CACNG2: variants seen among roughly 807,000 people sequenced by gnomAD.
CACNG2 encodes voltage-dependent calcium channel gamma-2 subunit.
CACNG2 carries 3 observed loss-of-function variants against 25.9 expected under a neutral mutation model. That is an observed-to-expected ratio of 0.12 (90% CI 0.05 to 0.30). The LOEUF is 0.30. Ranked by LOEUF, CACNG2 falls within the 10% of genes least tolerant of loss-of-function variation. The pLI is 1.00. For synonymous variants in CACNG2, 167 were observed against 173.3 expected, an observed-to-expected ratio of 0.96 and a Z score of 0.29; for missense variants, 341 against 432.5, an observed-to-expected ratio of 0.79 and a Z score of 1.88.
At chr22:36,607,241 C>T (rs1935852573) in intron 1 of CACNG2, among the ~76,000 whole-genome samples, 1 of 152,104 alleles carries the variant, frequency 6.6e-6, no homozygotes, top group South Asian at 2.1e-4. Context: ...TTTCCCCAAA[C>T]CTGTCTTGGC....
chr22:36,643,169 C>T (rs1250463523), intron 1 of CACNG2, among the ~76,000 whole-genome samples: 1 of 146,984 alleles, frequency 6.8e-6, no homozygotes, highest in Middle Eastern at 3.5e-3. Context: ...TTCCTTCCTT[C>T]TTTCCTTCTT....
intron 1 of CACNG2, among the ~76,000 whole-genome samples, chr22:36,632,071 G>T (rs1215506321): frequency 1.3e-5 from 2 of 152,116 alleles, no homozygotes; most frequent in Non-Finnish European, 2.9e-5. Flanking sequence ...GTACAGGGGT[G>T]GACTATGATG....
intron 1 of CACNG2, among the ~76,000 whole-genome samples, chr22:36,629,039 A>G (rs778561862): frequency 4.6e-5 from 7 of 152,126 alleles, no homozygotes; most frequent in Non-Finnish European, 1.0e-4. Context: ...CAGAAATACA[A>G]TGTTGAGGGA....
rs1935077218 is a variant in CACNG2 at position 36,564,059 on chromosome 22, T to TA, written c.*291_*292insT. On this transcript the variant is annotated 3_prime_UTR_variant, in exon 4 of 4. Transcript: ENST00000300105. This position sits in a 1 kb window ranked among gnomAD's most constrained non-coding sequence, Gnocchi z 6.7. The stretch of plus-strand genomic sequence containing the variant: ...TTTTCTATTTTTAATTTTTTATCCC[T>TA]CTCGCTTTTTTTTAAAGTTTGTTTT... The TA allele has an allele frequency of 6.8e-6, 2 of 295,524 alleles. No homozygotes were observed. The highest frequency in any genetic ancestry group is 4.3e-5 in the African/African-American group (2 of 46,232). The allele number at this position is 295,524 out of a possible 1,614,324, so 18.3% of individuals were successfully genotyped here. A position where few individuals can be genotyped will look rare whatever the true frequency, so the allele number is the denominator to read the frequency against.
chr22:36,580,063 C>T (rs548120119), intron 2 of CACNG2, among the ~76,000 whole-genome samples: 62 of 152,316 alleles, frequency 4.1e-4, no homozygotes, highest in South Asian at 8.3e-4. Context: ...TCACTGGGTT[C>T]GGGGCAGGTG....
intron 1 of CACNG2, among the ~76,000 whole-genome samples, chr22:36,627,534 C>T (rs1049426011): frequency 4.6e-5 from 7 of 152,104 alleles, no homozygotes; most frequent in African/African-American, 1.7e-4. Flanking sequence ...CACAGCTGGA[C>T]TTTGAATTTT....
intron 2 of CACNG2, among the ~76,000 whole-genome samples, chr22:36,579,171 G>A (rs1333418941): frequency 1.3e-5 from 2 of 152,016 alleles, no homozygotes; most frequent in Non-Finnish European, 2.9e-5. Flanking sequence ...TTGGGAAGCC[G>A]AGGTGGGTGG....
chr22:36,679,189 C>CTTTCTTTCTTTCTTT (rs1937058688), intron 1 of CACNG2, among the ~76,000 whole-genome samples: 13 of 69,354 alleles, frequency 1.9e-4, no homozygotes, highest in African/African-American at 7.7e-4. Context: ...TTCCTTCCTT[C>CTTTCTTTCTTTCTTT]CTTCCTTCCT....
chr22:36,658,590 C>G (rs566569739), intron 1 of CACNG2, among the ~76,000 whole-genome samples: 1 of 152,290 alleles, frequency 6.6e-6, no homozygotes, highest in African/African-American at 2.4e-5. Flanking sequence ...GCCTGTCTTC[C>G]TCATCCATCT....
rs1431282506 is a variant in CACNG2 at position 36,564,341 on chromosome 22, C to T, written c.*10G>A. 1 of 1,609,498 alleles carries T rather than the reference C, an allele frequency of 6.2e-7. No individual in the cohort carries two copies. The highest frequency in any genetic ancestry group is 1.7e-5 in the Admixed American group (1 of 59,470). On this transcript the variant is annotated 3_prime_UTR_variant, in exon 4 of 4. Coordinates refer to ENST00000300105, the MANE Select transcript of CACNG2 (RefSeq NM_006078.5). This position sits in a 1 kb window ranked among gnomAD's most constrained non-coding sequence, Gnocchi z 6.7. ...CTCCTCCCGCGGTCTTCTGGCGAGG[C>T]CCGCGGTCTTTATACGGGGGTGGTC...
intron 1 of CACNG2, among the ~76,000 whole-genome samples, chr22:36,657,564 T>A (rs1936726598): frequency 6.6e-6 from 1 of 152,076 alleles, no homozygotes; most frequent in Non-Finnish European, 1.5e-5. Context: ...CTTCTCTGGA[T>A]TGAGGAGTTC....
chr22:36,578,429 C>A (rs549628046), intron 2 of CACNG2, among the ~76,000 whole-genome samples: 1 of 151,128 alleles, frequency 6.6e-6, no homozygotes, highest in Admixed American at 6.6e-5. Flanking sequence ...GCCTGGTGGA[C>A]GCCCCTCATG....
rs912619662 is a variant in CACNG2 at position 36,563,396 on chromosome 22, A to G, written c.*955T>C. 2.0e-5 allele frequency among the ~76,000 whole-genome samples: 3 copies of G among 151,888 alleles called. No individual in the cohort carries two copies. The highest frequency in any genetic ancestry group is 4.4e-5 in the Non-Finnish European group (3 of 67,940). ...GGGGGGGTGGCATCTCCTGACCCCA[A>G]GGACAGGAGCTTGGGGACATGACCC... is the stretch of plus-strand genomic sequence containing the variant. On this transcript the variant is annotated 3_prime_UTR_variant, in exon 4 of 4. Transcript: ENST00000300105.
chr22:36,614,785 G>C (rs760149683), intron 1 of CACNG2, among the ~76,000 whole-genome samples: 26 of 152,184 alleles, frequency 1.7e-4, no homozygotes, highest in Admixed American at 1.4e-3. Context: ...AGGAGGTTTG[G>C]GGATTTTCTG....
At chr22:36,690,092 CT>C (rs1281491617) in intron 1 of CACNG2, among the ~76,000 whole-genome samples, 2 of 152,238 alleles carry the variant, frequency 1.3e-5, no homozygotes, top group African/African-American at 2.4e-5. Context: ...CATTTTAGTT[CT>C]GTCTTCAGCT....
At chr22:36,657,920 C>T (rs1331822873) in intron 1 of CACNG2, among the ~76,000 whole-genome samples, 2 of 152,052 alleles carry the variant, frequency 1.3e-5, no homozygotes, top group African/African-American at 4.8e-5. Context: ...CACTCCCAAG[C>T]TCTCCAGAGT....
chr22:36,591,734 G>C (rs951238548), intron 1 of CACNG2, among the ~76,000 whole-genome samples: 2 of 152,008 alleles, frequency 1.3e-5, no homozygotes, highest in Non-Finnish European at 2.9e-5. Context: ...CTGCAGAGAT[G>C]GGGGAGCAAT....
intron 1 of CACNG2, among the ~76,000 whole-genome samples, chr22:36,596,158 G>A (rs547332166): frequency 6.6e-6 from 1 of 152,320 alleles, no homozygotes; most frequent in East Asian, 1.9e-4. Context: ...GAGGCGTGGG[G>A]AGGAGGCTGT....
chr22:36,573,753 A>C (rs1466001813), intron 2 of CACNG2, among the ~76,000 whole-genome samples: 3 of 152,112 alleles, frequency 2.0e-5, no homozygotes. Flanking sequence ...GTGTCTAACC[A>C]CTGCATTCCC....
Sources: allele counts gnomAD v4.1 joint callset (sites outside exome capture counted in the v4.1 genomes callset), GRCh38; gene constraint gnomAD v4.1.1; non-coding constraint Gnocchi (gnomAD v3.1); transcripts MANE v1.5; gene names NCBI Gene and HGNC (gene_info 2026-07-23, HGNC 2026-07-21).